Variants in L3MBTL4 observed in about 807,000 individuals in gnomAD.
The protein encoded by L3MBTL4 is lethal(3)malignant brain tumor-like protein 4.
A neutral mutation model predicts 84.5 loss-of-function variants in L3MBTL4; 70 were observed. The ratio of observed to expected loss-of-function variants is 0.83; its 90% confidence interval spans 0.68 to 1.01. The LOEUF is 1.01. Among genes scored for constraint, L3MBTL4 ranks in the 50% least tolerant of loss-of-function variants. The pLI is 0.00. For missense variants in L3MBTL4, 715 were observed against 754.8 expected (o/e 0.95, Z 0.62); for synonymous variants, 274 against 259.8 (o/e 1.05, Z -0.52).
intron 5 of L3MBTL4, among the ~76,000 whole-genome samples, chr18:6,253,721 A>T (rs1355853162): frequency 6.6e-6 from 1 of 152,216 alleles, no homozygotes; most frequent in South Asian, 2.1e-4. Flanking sequence ...TACAGCTCCA[A>T]TGTTCTTCCA....
intron 13 of L3MBTL4, among the ~76,000 whole-genome samples, chr18:6,146,388 G>C (rs1012089778): frequency 7.2e-5 from 11 of 152,232 alleles, no homozygotes; most frequent in Non-Finnish European, 1.3e-4. Flanking sequence ...CCGAGATGTA[G>C]AGAGCAGAAA....
chr18:6,147,696 A>G (rs887196274), intron 13 of L3MBTL4, among the ~76,000 whole-genome samples: 1 of 152,180 alleles, frequency 6.6e-6, no homozygotes, highest in African/African-American at 2.4e-5. Context: ...CCACTCAGAA[A>G]CAATCACACA....
chr18:6,070,668 AAAAAAC>A (rs1420343741), intron 16 of L3MBTL4, among the ~76,000 whole-genome samples: 3 of 151,512 alleles, frequency 2.0e-5, no homozygotes, highest in Non-Finnish European at 4.4e-5. Context: ...AACAAAAAAC[AAAAAAC>A]AAAAAAAACA....
At chr18:5,958,128 AAAAAGAAGAAGAAGAAGAAGAAGAAG>A (rs2095242339) in intron 18 of L3MBTL4, among the ~76,000 whole-genome samples, 1 of 44,478 alleles carries the variant, frequency 2.2e-5, no homozygotes, top group African/African-American at 1.0e-4. Flanking sequence ...GAAGAAGAAG[AAAAAGAAGAAGAAGAAGAAGAAGAAG>A]AAGAACAAGA....
chr18:6,090,476 A>G (rs1057220756), intron 15 of L3MBTL4, among the ~76,000 whole-genome samples: 2 of 151,790 alleles, frequency 1.3e-5, no homozygotes, highest in East Asian at 3.9e-4. Context: ...AATTATCCAA[A>G]TTGTTGGGCA....
chr18:6,293,473 A>C (rs1193407034), intron 4 of L3MBTL4, among the ~76,000 whole-genome samples: 1 of 152,238 alleles, frequency 6.6e-6, no homozygotes, highest in African/African-American at 2.4e-5. Context: ...TAATGAAAAA[A>C]AAGGATTAAA....
At chr18:6,399,800 C>G (rs952717305) in intron 1 of L3MBTL4, 1 of 152,128 alleles carries the variant, frequency 6.6e-6, no homozygotes, top group Non-Finnish European at 1.5e-5. Flanking sequence ...ATAATTTTGG[C>G]TCCTTCCCAA....
At chr18:6,059,719 T>A (rs1165304610) in intron 16 of L3MBTL4, among the ~76,000 whole-genome samples, 1 of 152,182 alleles carries the variant, frequency 6.6e-6, no homozygotes, top group East Asian at 1.9e-4. Context: ...CATTGGCTGC[T>A]GTGATGACGC....
intron 1 of L3MBTL4, among the ~76,000 whole-genome samples, chr18:6,401,086 C>G (rs990637940): frequency 6.6e-6 from 1 of 152,260 alleles, no homozygotes. Flanking sequence ...ACCACGTGCC[C>G]TACCCACCCT....
chr18:6,091,208 TC>T (rs2058446192), intron 15 of L3MBTL4, among the ~76,000 whole-genome samples: 1 of 152,130 alleles, frequency 6.6e-6, no homozygotes, highest in Non-Finnish European at 1.5e-5. Context: ...TACATATCAT[TC>T]CTTGTCGATT....
intron 16 of L3MBTL4, among the ~76,000 whole-genome samples, chr18:5,979,772 G>A (rs1483685465): frequency 1.3e-5 from 2 of 152,210 alleles, no homozygotes; most frequent in Non-Finnish European, 2.9e-5. Flanking sequence ...CTCTTCTTTA[G>A]CAAGGTAAGC....
At chr18:6,288,131 T>A (rs1220755817) in intron 4 of L3MBTL4, among the ~76,000 whole-genome samples, 1 of 152,250 alleles carries the variant, frequency 6.6e-6, no homozygotes, top group African/African-American at 2.4e-5. Context: ...TATTATAAAC[T>A]GGTGAGTGTA....
chr18:6,183,106 G>A lies in L3MBTL4; in HGVS notation c.982-11164C>T, dbSNP rs1328028892. Among the ~76,000 whole-genome samples, 3 of 152,146 alleles carry A rather than the reference G, an allele frequency of 2.0e-5. No individual in the cohort carries two copies. The South Asian group carries it at 6.2e-4, about 32-fold the overall frequency. On this transcript the variant is annotated intron_variant, in intron 12 of 18. Coordinates refer to ENST00000317931, the MANE Select transcript of L3MBTL4 (RefSeq NM_001330559.2). The stretch of plus-strand genomic sequence containing the variant: ...AAGATGTGTTTTTCAGATAAGATTT[G>A]CACAAGAAATAAAAATGCCAAATTT...
intron 16 of L3MBTL4, among the ~76,000 whole-genome samples, chr18:5,987,967 T>C (rs2053537870): frequency 6.6e-6 from 1 of 152,210 alleles, no homozygotes; most frequent in African/African-American, 2.4e-5. Flanking sequence ...TGCTAATGCA[T>C]ATTACAATAT....
intron 3 of L3MBTL4, among the ~76,000 whole-genome samples, chr18:6,311,208 T>C (rs1399590608): frequency 6.6e-6 from 1 of 152,118 alleles, no homozygotes; most frequent in African/African-American, 2.4e-5. Context: ...CACACACATA[T>C]ACACATACGG....
chr18:6,048,330 T>C (rs2056709295), intron 16 of L3MBTL4, among the ~76,000 whole-genome samples: 1 of 152,194 alleles, frequency 6.6e-6, no homozygotes, highest in South Asian at 2.1e-4. Flanking sequence ...ACAGATTCAA[T>C]GCTATCCCTA....
intron 5 of L3MBTL4, among the ~76,000 whole-genome samples, chr18:6,253,467 A>G (rs1415967095): frequency 6.6e-6 from 1 of 152,180 alleles, no homozygotes; most frequent in Admixed American, 6.5e-5. Context: ...AAGTGGCCAG[A>G]TTCAGTACAT....
intron 14 of L3MBTL4, among the ~76,000 whole-genome samples, chr18:6,096,130 T>A (rs1227960095): frequency 6.6e-6 from 1 of 152,090 alleles, no homozygotes; most frequent in African/African-American, 2.4e-5. Context: ...ATGGCACTAA[T>A]GCTGCCTCTT....
intron 1 of L3MBTL4, among the ~76,000 whole-genome samples, chr18:6,324,145 C>T (rs2051585258): frequency 6.6e-6 from 1 of 152,216 alleles, no homozygotes; most frequent in African/African-American, 2.4e-5. Context: ...CACAGGTGCA[C>T]AGAATTGAGG....
Sources: gnomAD v4.1 joint callset for allele counts (sites outside exome capture counted in the v4.1 genomes callset) on GRCh38, gnomAD v4.1.1 for gene constraint, MANE v1.5 for transcripts, NCBI Gene and HGNC (gene_info 2026-07-23, HGNC 2026-07-21) for gene names.